The following POF1B variants were observed in gnomAD, a reference collection of about 807,000 sequenced individuals.
The protein encoded by POF1B is POF1B actin binding protein, also known as protein POF1B.
Under a neutral mutation model 55.3 loss-of-function variants are expected in POF1B, and 53 were observed. The observed-to-expected ratio is 0.96, with a 90% CI of 0.77 to 1.20. POF1B has a LOEUF of 1.20. Among genes scored for constraint, POF1B ranks in the 50% most tolerant of loss-of-function variants. POF1B has a pLI of 0.00. For missense variants in POF1B, 478 were observed against 420.5 expected, an observed-to-expected ratio of 1.14 and a Z score of -1.20; for synonymous variants, 188 against 148.3, an observed-to-expected ratio of 1.27 and a Z score of -1.95.
At chrX:85,350,690 C>T (rs1028158465) in intron 5 of POF1B, among the ~76,000 whole-genome samples, 3 of 111,052 alleles carry the variant, frequency 2.7e-5, no homozygotes, top group Non-Finnish European at 5.7e-5. Context: ...CCTGAACAGA[C>T]ACTTCTCAAA....
chrX:85,288,998 T>G (rs946965577), intron 15 of POF1B, among the ~76,000 whole-genome samples: 2 of 111,472 alleles, frequency 1.8e-5, no homozygotes, highest in African/African-American at 6.5e-5. Flanking sequence ...TCTAAGAATG[T>G]TGCTGAAAAT....
chrX:85,313,109 T>A (rs1269254080), intron 9 of POF1B, among the ~76,000 whole-genome samples: 1 of 111,999 alleles, frequency 8.9e-6, no homozygotes, highest in Non-Finnish European at 1.9e-5. Flanking sequence ...TATACAATCA[T>A]GTCGTCTGCA....
At chrX:85,377,237 T>A (rs1933937641) in intron 2 of POF1B, among the ~76,000 whole-genome samples, 1 of 111,591 alleles carries the variant, frequency 9.0e-6, no homozygotes, top group Admixed American at 9.5e-5. Context: ...TCAGATCAAA[T>A]CTAGGTCCTA....
rs1932562689 is a variant in POF1B, at chrX:85,305,880, G to T, written c.1348C>A (p.Gln450Lys). Reference protein sequence around the residue: ...VSETCTGPMLQAKMDEIGNHY... With the variant: ...VSETCTGPMLKAKMDEIGNHY... ...TTGCCAATCTCATCCATTTTAGCCTGCAACATTGGGCCTGTGCAAGTCTCA... is the reference window on the plus strand; with the variant it reads ...TTGCCAATCTCATCCATTTTAGCCTTCAACATTGGGCCTGTGCAAGTCTCA... The change falls in exon 13 of 17, where the codon CAG (glutamine) becomes AAG (lysine). Residue 450 changes from glutamine (Q) to lysine (K), a missense_variant. Coordinates refer to ENST00000262753, the MANE Select transcript of POF1B (RefSeq NM_024921.4). 8.3e-7 allele frequency: 1 copy of T among 1,209,426 alleles called. No homozygotes were observed. Among genetic ancestry groups the T allele is most frequent in the Non-Finnish European group, 1.1e-6 (1 of 894,115 alleles).
At chrX:85,304,897 A>T (rs1002809407) in intron 13 of POF1B, among the ~76,000 whole-genome samples, 1 of 111,707 alleles carries the variant, frequency 9.0e-6, no homozygotes, top group South Asian at 3.7e-4. Context: ...CATTATTATA[A>T]TCTTCATTTA....
At chrX:85,375,163 T>C (rs1693541665) in intron 2 of POF1B, among the ~76,000 whole-genome samples, 2 of 111,557 alleles carry the variant, frequency 1.8e-5, no homozygotes, top group South Asian at 7.4e-4. Flanking sequence ...GTATATATAC[T>C]TTATTGAAAA....
chrX:85,292,842 C>G (rs1440305972), intron 15 of POF1B, among the ~76,000 whole-genome samples: 9 of 98,164 alleles, frequency 9.2e-5, no homozygotes, highest in South Asian at 4.4e-4. Context: ...AAAAAACAAC[C>G]CTGTAAAAAA....
chrX:85,379,176 A>C lies in POF1B; in HGVS notation c.279T>G (p.Ser93=). 8.3e-7 allele frequency: 1 copy of C among 1,209,957 alleles called. No individual in the cohort carries two copies. The highest frequency in any genetic ancestry group is 3.0e-5 in the East Asian group (1 of 33,795). The change falls in exon 2 of 17, where the codon TCT becomes TCG. Residue 93 remains serine, a synonymous_variant. Coordinates refer to ENST00000262753, the MANE Select transcript of POF1B (RefSeq NM_024921.4). ...GGCATAGCTTTCTTTGTTGTACCTG[A>C]GAATGGTCGCTCCAAACCAAATTTT... ...SYQNLVWSDH[S]QELHSPTLKI... is the part of the protein sequence containing the mutation.
chrX:85,280,183 GAATTTTTTTGTTGACTCA>G (rs1680374778), intron 16 of POF1B, among the ~76,000 whole-genome samples: 2 of 111,179 alleles, frequency 1.8e-5, no homozygotes, highest in African/African-American at 6.5e-5. Flanking sequence ...GAAACTTTTT[GAATTTTTTTGTTGACTCA>G]AATATTTGAG....
At chrX:85,357,762 C>T (rs773094998) in intron 4 of POF1B, among the ~76,000 whole-genome samples, 8 of 111,161 alleles carry the variant, frequency 7.2e-5, no homozygotes, top group Non-Finnish European at 1.3e-4. Context: ...TCCATTACCT[C>T]TTAGTGATCT....
intron 7 of POF1B, among the ~76,000 whole-genome samples, chrX:85,321,621 G>C (rs1294939769): frequency 2.5e-4 from 27 of 106,669 alleles, no homozygotes; most frequent in African/African-American, 8.5e-4. Context: ...GGAAATAAAG[G>C]GTATTCAATT....
chrX:85,316,121 T>C (rs1034912219), intron 7 of POF1B, among the ~76,000 whole-genome samples: 29 of 111,251 alleles, frequency 2.6e-4, no homozygotes, highest in African/African-American at 8.5e-4. Flanking sequence ...ATTTTCTCCT[T>C]GTATGTTTCA....
intron 15 of POF1B, among the ~76,000 whole-genome samples, chrX:85,297,602 G>A (rs1287575039): frequency 8.9e-6 from 1 of 111,786 alleles, no homozygotes; most frequent in Non-Finnish European, 1.9e-5. Flanking sequence ...GAGTAGATGA[G>A]TAATGGTTGG....
At position 85,307,249 on chromosome X, in the gene POF1B, C is replaced by A; in HGVS notation, c.1078G>T (p.Glu360Ter). 1 of 1,197,675 alleles carries A rather than the reference C, an allele frequency of 8.3e-7. No individual in the cohort carries two copies. The highest frequency in any genetic ancestry group is 1.7e-5 in the African/African-American group (1 of 57,485). Residue 360 changes from glutamate (E) to a stop codon, truncating the protein, a stop_gained, in exon 11 of 17, where the codon GAG (glutamate) becomes TAG (stop). Coordinates refer to ENST00000262753, the MANE Select transcript of POF1B (RefSeq NM_024921.4). LOFTEE classifies it high-confidence loss of function. ...GTGTCTTTGAATGATAAATCTTTCTCAAGTCTCATCTTGTCATTTTCCAGT... is the reference window on the plus strand; with the variant it reads ...GTGTCTTTGAATGATAAATCTTTCTAAAGTCTCATCTTGTCATTTTCCAGT... ...TSLENDKMRL[E>*]KDLSFKDTQL...
chrX:85,284,853 A>G (rs774030888), intron 15 of POF1B, among the ~76,000 whole-genome samples: 2 of 112,194 alleles, frequency 1.8e-5, no homozygotes, highest in Non-Finnish European at 3.8e-5. Context: ...AGAAACTACT[A>G]TCAGAGTGAA....
In POF1B at chrX:85,321,393, C is replaced by T. The variant is rs183178128; in HGVS notation, c.855-5659G>A. ...AAAGCCCTTTGACAAAATTCAACAA[C>T]ACTTCATGCTAAACACTCTCAATAA... On this transcript the variant is annotated intron_variant, in intron 7 of 16. Transcript: ENST00000262753. Among the ~76,000 whole-genome samples the T allele has an allele frequency of 1.5e-3, 167 of 110,539 alleles. 3 individuals are homozygous for T. The East Asian group carries it at 0.034, about 23-fold the overall frequency.
intron 4 of POF1B, among the ~76,000 whole-genome samples, chrX:85,357,450 A>AT (rs1364537954): frequency 1.8e-5 from 2 of 109,898 alleles, no homozygotes; most frequent in African/African-American, 3.3e-5. Flanking sequence ...ATCTTCACTC[A>AT]TTTTTTTCAA....
intron 15 of POF1B, among the ~76,000 whole-genome samples, chrX:85,294,151 G>C (rs778482203): frequency 9.0e-5 from 10 of 111,673 alleles, no homozygotes; most frequent in African/African-American, 3.3e-4. Flanking sequence ...TCTAAGTATA[G>C]AATCCTATCA....
chrX:85,344,620 A>G (rs1225159113), intron 6 of POF1B, among the ~76,000 whole-genome samples: 2 of 111,602 alleles, frequency 1.8e-5, no homozygotes, highest in Non-Finnish European at 3.8e-5. Context: ...ACAATTTCAA[A>G]TGATCTAATC....
Sources: gnomAD v4.1 joint callset for allele counts (sites outside exome capture counted in the v4.1 genomes callset) on GRCh38, gnomAD v4.1.1 for gene constraint, MANE v1.5 for transcripts, NCBI Gene and HGNC (gene_info 2026-07-23, HGNC 2026-07-21) for gene names.